The following WWOX variants were observed in gnomAD, a reference collection of about 807,000 sequenced individuals.
WWOX encodes WW domain-containing oxidoreductase.
A neutral mutation model predicts 46.2 loss-of-function variants in WWOX; 69 were observed. The observed-to-expected ratio is 1.49, with a 90% CI of 1.23 to 1.82. WWOX has a LOEUF of 1.82. Among genes scored for constraint, WWOX ranks in the 40% most tolerant of loss-of-function variants. The pLI is 0.00. For synonymous variants in WWOX, 359 were observed against 202.6 expected, an observed-to-expected ratio of 1.77 and a Z score of -6.56; for missense variants, 919 against 542.6, an observed-to-expected ratio of 1.69 and a Z score of -6.89.
chr16:78,776,728 G>C (rs752127516), intron 8 of WWOX, among the ~76,000 whole-genome samples: 1 of 152,088 alleles, frequency 6.6e-6, no homozygotes, highest in Non-Finnish European at 1.5e-5. Context: ...GAAAACTTAC[G>C]ATCATGGTGG....
At chr16:78,963,826 G>T (rs770291748) in intron 8 of WWOX, among the ~76,000 whole-genome samples, 2 of 152,106 alleles carry the variant, frequency 1.3e-5, no homozygotes, top group Admixed American at 6.6e-5. Flanking sequence ...AACTTGAATC[G>T]TATCTCCCAG....
chr16:78,506,283 G>A (rs142671951), intron 8 of WWOX, among the ~76,000 whole-genome samples: 130 of 152,336 alleles, frequency 8.5e-4, no homozygotes, highest in Middle Eastern at 6.8e-3. Context: ...GGCGCGTGCT[G>A]ACACTCTATA....
At chr16:78,653,085 T>C (rs2142148866) in intron 8 of WWOX, among the ~76,000 whole-genome samples, 1 of 152,332 alleles carries the variant, frequency 6.6e-6, no homozygotes, top group South Asian at 2.1e-4. Context: ...TTGCATGTTC[T>C]TTTCTTTCTT....
chr16:79,046,642 AG>A (rs1420342641), intron 8 of WWOX, among the ~76,000 whole-genome samples: 2 of 152,148 alleles, frequency 1.3e-5, no homozygotes, highest in Middle Eastern at 3.2e-3. Flanking sequence ...TCTCACCAGG[AG>A]GACTCCACGG....
rs777187063 is a variant in WWOX, at chr16:78,506,076, G to A, written c.1056+73324G>A. ...GAGTATCGGATTGGTCTGCGTCCAAGAGCTCCTCGCTTGGCCAGCAGGGGC... is the reference window on the plus strand; with the variant it reads ...GAGTATCGGATTGGTCTGCGTCCAAAAGCTCCTCGCTTGGCCAGCAGGGGC... On this transcript the variant is annotated intron_variant, in intron 8 of 8. Transcript: ENST00000566780. Among the ~76,000 whole-genome samples the A allele has an allele frequency of 9.2e-4, 140 of 152,318 alleles. 1 individual carries two copies. Among genetic ancestry groups the A allele is most frequent in the Non-Finnish European group, 1.4e-3 (92 of 68,026 alleles).
intron 8 of WWOX, among the ~76,000 whole-genome samples, chr16:79,009,101 C>T (rs1277934339): frequency 1.3e-5 from 2 of 152,206 alleles, no homozygotes; most frequent in East Asian, 3.9e-4. Context: ...GCAGAGGTGT[C>T]CGCAGGCCTC....
intron 8 of WWOX, among the ~76,000 whole-genome samples, chr16:79,088,236 G>C (rs2048889026): frequency 6.6e-6 from 1 of 152,170 alleles, no homozygotes; most frequent in African/African-American, 2.4e-5. Flanking sequence ...CCTAGACTTG[G>C]ATCCCTAAGC....
At chr16:79,037,438 C>G (rs1435695217) in intron 8 of WWOX, among the ~76,000 whole-genome samples, 1 of 152,092 alleles carries the variant, frequency 6.6e-6, no homozygotes, top group South Asian at 2.1e-4. Flanking sequence ...GGGTACTAGA[C>G]TGGGGGTTCG....
intron 8 of WWOX, among the ~76,000 whole-genome samples, chr16:78,852,816 TA>T (rs2052479454): frequency 6.6e-6 from 1 of 152,204 alleles, no homozygotes; most frequent in African/African-American, 2.4e-5. Context: ...TTCTTGAGGT[TA>T]AAAATGTACA....
At chr16:78,405,460 G>C (rs1475393732) in intron 6 of WWOX, among the ~76,000 whole-genome samples, 2 of 152,148 alleles carry the variant, frequency 1.3e-5, no homozygotes, top group Non-Finnish European at 2.9e-5. Context: ...ATAGCTGATG[G>C]TCACTGGCCA....
chr16:78,925,813 A>T (rs746352826), intron 8 of WWOX, among the ~76,000 whole-genome samples: 1 of 152,192 alleles, frequency 6.6e-6, no homozygotes, highest in Non-Finnish European at 1.5e-5. Context: ...GCTCAGAGGT[A>T]AAGAGCCTCG....
chr16:78,484,758 G>A (rs1263378123), intron 8 of WWOX, among the ~76,000 whole-genome samples: 2 of 152,138 alleles, frequency 1.3e-5, no homozygotes, highest in African/African-American at 2.4e-5. Context: ...ACCAAATTGT[G>A]TCAGCCTGAA....
chr16:79,157,122 T>C (rs1395760269), intron 8 of WWOX, among the ~76,000 whole-genome samples: 2 of 152,188 alleles, frequency 1.3e-5, no homozygotes, highest in African/African-American at 2.4e-5. Flanking sequence ...TGTAGAAATA[T>C]TCCTGATGAT....
chr16:78,497,880 C>G (rs73578942), intron 8 of WWOX, among the ~76,000 whole-genome samples: 11,583 of 150,726 alleles, frequency 0.077, 465 homozygotes, highest in African/African-American at 0.086. Flanking sequence ...AAAAAGCCCA[C>G]ATTTTAAAGG....
chr16:78,962,188 G>A (rs1597210656), intron 8 of WWOX, among the ~76,000 whole-genome samples: 2 of 151,996 alleles, frequency 1.3e-5, no homozygotes, highest in Middle Eastern at 3.4e-3. Flanking sequence ...AATGAGGACA[G>A]CCACCCTGTG....
At chr16:78,821,979 C>T (rs959814983) in intron 8 of WWOX, among the ~76,000 whole-genome samples, 5 of 152,134 alleles carry the variant, frequency 3.3e-5, no homozygotes, top group East Asian at 1.9e-4. Context: ...CAGGCTCAAG[C>T]GATCCTTCTG....
intron 8 of WWOX, among the ~76,000 whole-genome samples, chr16:78,985,118 A>G (rs544839171): frequency 1.3e-5 from 2 of 152,190 alleles, no homozygotes; most frequent in Non-Finnish European, 2.9e-5. Context: ...AACGGATCAG[A>G]TTCCATCTGA....
chr16:78,975,684 T>C (rs955421744), intron 8 of WWOX, among the ~76,000 whole-genome samples: 21 of 152,130 alleles, frequency 1.4e-4, no homozygotes, highest in African/African-American at 4.8e-4. Context: ...TTGTCACCCC[T>C]GTTGGGAATA....
intron 8 of WWOX, among the ~76,000 whole-genome samples, chr16:78,668,552 G>A (rs1303685372): frequency 2.0e-5 from 3 of 152,170 alleles, no homozygotes; most frequent in Admixed American, 6.5e-5. Context: ...CATTTAGTGT[G>A]GCAAGGGGCG....
Sources: allele counts gnomAD v4.1 joint callset (sites outside exome capture counted in the v4.1 genomes callset), GRCh38; gene constraint gnomAD v4.1.1; transcripts MANE v1.5; gene names NCBI Gene and HGNC (gene_info 2026-07-23, HGNC 2026-07-21).